PRKN: variants seen among roughly 807,000 people sequenced by gnomAD.
The protein encoded by PRKN is E3 ubiquitin-protein ligase parkin.
In PRKN, 56 loss-of-function variants were observed where a neutral mutation model predicts 59.5. That is an observed-to-expected ratio of 0.94 (90% confidence interval 0.76 to 1.18). The LOEUF is 1.18. PRKN is among the 50% of genes most tolerant of loss of function. The probability of loss-of-function intolerance (pLI) is 0.00; values close to 1 mark genes in which losing one functional copy is unlikely to be tolerated. For synonymous variants in PRKN, 250 were observed against 222.1 expected, an observed-to-expected ratio of 1.13 and a Z score of -1.12; for missense variants, 657 against 596.4, an observed-to-expected ratio of 1.10 and a Z score of -1.06.
intron 1 of PRKN, among the ~76,000 whole-genome samples, chr6:162,621,100 C>T (rs1157008236): frequency 3.3e-4 from 7 of 21,146 alleles, no homozygotes; most frequent in African/African-American, 1.8e-3. Context: ...GATATCTCCA[C>T]ATATCCAGCT....
intron 3 of PRKN, among the ~76,000 whole-genome samples, chr6:162,229,705 C>T (rs1778339396): frequency 6.6e-6 from 1 of 152,162 alleles, no homozygotes; most frequent in Admixed American, 6.5e-5. Context: ...TCTTCCTTTC[C>T]ACTGTTCCTC....
At chr6:162,556,745 C>CAAAAA (rs58924466) in intron 1 of PRKN, among the ~76,000 whole-genome samples, 5 of 91,056 alleles carry the variant, frequency 5.5e-5, no homozygotes, top group African/African-American at 8.5e-5. Flanking sequence ...GACTCCATCT[C>CAAAAA]AAAAAAAAAA....
In PRKN at chr6:162,116,743, A is replaced by T. The variant is rs559042817; in HGVS notation, c.535-62569T>A. Reference sequence around the variant, plus strand: ...ATATAGAACAGCAATACACTGAAATAAGTGAAATTGCAGAGATATGCACAG... The same window carrying T: ...ATATAGAACAGCAATACACTGAAATTAGTGAAATTGCAGAGATATGCACAG... On this transcript the variant is annotated intron_variant, in intron 4 of 11. Coordinates refer to ENST00000366898, the MANE Select transcript of PRKN (RefSeq NM_004562.3). Among the ~76,000 whole-genome samples the T allele has an allele frequency of 2.0e-5, 3 of 152,326 alleles. No individual in the cohort carries two copies. The South Asian group carries it at 6.2e-4, about 32-fold the overall frequency.
chr6:162,641,993 A>G (rs1231760926), intron 1 of PRKN, among the ~76,000 whole-genome samples: 1 of 152,218 alleles, frequency 6.6e-6, no homozygotes, highest in Non-Finnish European at 1.5e-5. Flanking sequence ...ATATGCTGGA[A>G]TACACTAATA....
intron 1 of PRKN, among the ~76,000 whole-genome samples, chr6:162,640,879 G>C (rs767434458): frequency 1.3e-5 from 2 of 152,136 alleles, no homozygotes; most frequent in Non-Finnish European, 2.9e-5. Flanking sequence ...AAAGTCACCA[G>C]GCAAACATCA....
At chr6:162,597,889 C>G (rs546843929) in intron 1 of PRKN, among the ~76,000 whole-genome samples, 17 of 152,080 alleles carry the variant, frequency 1.1e-4, no homozygotes, top group Non-Finnish European at 1.6e-4. Flanking sequence ...TAGATAATGA[C>G]TAGTATTATT....
intron 7 of PRKN, among the ~76,000 whole-genome samples, chr6:161,616,686 T>C (rs2128148923): frequency 6.6e-6 from 1 of 152,182 alleles, no homozygotes; most frequent in East Asian, 1.9e-4. Flanking sequence ...CCTGTGTCAG[T>C]TTGCTGAGAG....
chr6:161,457,068 A>G lies in PRKN; in HGVS notation c.1084-70191T>C, dbSNP rs537641103. Among the ~76,000 whole-genome samples the G allele has an allele frequency of 6.6e-6, 1 of 152,272 alleles. No individual in the cohort carries two copies. The highest frequency in any genetic ancestry group is 6.5e-5 in the Admixed American group (1 of 15,296). On this transcript the variant is annotated intron_variant, in intron 9 of 11. Transcript: ENST00000366898. The surrounding 1 kb of genome is among the most constrained non-coding windows in gnomAD (Gnocchi z 5.0). Reference sequence around the variant, plus strand: ...CTGAATAGTCCAACTTCCTCCTTTAACAAATATCCACTGAGCGTCTTCGCT... The same window carrying G: ...CTGAATAGTCCAACTTCCTCCTTTAGCAAATATCCACTGAGCGTCTTCGCT...
chr6:161,572,366 TAA>T (rs1780922744), intron 7 of PRKN, among the ~76,000 whole-genome samples: 1 of 151,068 alleles, frequency 6.6e-6, no homozygotes, highest in Admixed American at 6.6e-5. Context: ...ACCAAGAAAA[TAA>T]ATAAAAATCC....
chr6:162,364,280 A>G (rs1396729451), intron 2 of PRKN, among the ~76,000 whole-genome samples: 3 of 152,226 alleles, frequency 2.0e-5, no homozygotes, highest in Non-Finnish European at 4.4e-5. Context: ...TAATACCCAA[A>G]TAATTATCTG....
In PRKN at chr6:161,378,645, A is replaced by T. The variant is rs1288428193; in HGVS notation, c.1167+8149T>A. 2.0e-5 allele frequency among the ~76,000 whole-genome samples: 3 copies of T among 152,150 alleles called. No individual in the cohort carries two copies. Among genetic ancestry groups the T allele is most frequent in the Non-Finnish European group, 2.9e-5 (2 of 68,022 alleles). ...CTGCATTGTGTCCCAGTGGGTGCATACCCATGGGAACACTGGTCCTGTCAC... is the reference window on the plus strand; with the variant it reads ...CTGCATTGTGTCCCAGTGGGTGCATTCCCATGGGAACACTGGTCCTGTCAC... On this transcript the variant is annotated intron_variant, in intron 10 of 11. Transcript: ENST00000366898. This position sits in a 1 kb window ranked among gnomAD's most constrained non-coding sequence, Gnocchi z 7.3.
chr6:161,983,911 A>T (rs138722353), intron 5 of PRKN, among the ~76,000 whole-genome samples: 3,988 of 126,194 alleles, frequency 0.032, 344 homozygotes, highest in African/African-American at 0.044. Context: ...TATAATAAAA[A>T]AAAAAAAAAT....
Position 162,311,564 on chromosome 6 carries a change from C to T in PRKN, c.172-48799G>A, listed in dbSNP as rs145387115. Among the ~76,000 whole-genome samples, 131 of 148,760 alleles carry T rather than the reference C, an allele frequency of 8.8e-4. 1 individual carries two copies. The highest frequency in any genetic ancestry group is 3.2e-3 in the African/African-American group (127 of 40,210). ...GTGGCACAATCTTGGCTCACTGCAA[C>T]CTCCACCTCCTGGGTTCAAGCGATT... On this transcript the variant is annotated intron_variant, in intron 2 of 11. Coordinates refer to ENST00000366898, the MANE Select transcript of PRKN (RefSeq NM_004562.3).
At chr6:161,965,501 T>C (rs1053463800) in intron 6 of PRKN, among the ~76,000 whole-genome samples, 4 of 152,048 alleles carry the variant, frequency 2.6e-5, no homozygotes, top group Non-Finnish European at 5.9e-5. Context: ...ATTCACTAGC[T>C]GCCTTCTATC....
chr6:162,503,361 G>C (rs923190720), intron 1 of PRKN, among the ~76,000 whole-genome samples: 2 of 151,608 alleles, frequency 1.3e-5, no homozygotes, highest in African/African-American at 2.4e-5. Flanking sequence ...ACGGGGTTTC[G>C]CCATGTTGGG....
In PRKN at chr6:162,510,681, G is replaced by C. The variant is rs1034815192; in HGVS notation, c.8-67208C>G. On this transcript the variant is annotated intron_variant, in intron 1 of 11. Coordinates refer to ENST00000366898, the MANE Select transcript of PRKN (RefSeq NM_004562.3). The stretch of plus-strand genomic sequence containing the variant: ...CTCACACCTGTAATCCCAGCACTTT[G>C]GGAGGCCGGGCGAGCAGATCACTTG... Among the ~76,000 whole-genome samples, 6 of 152,274 alleles carry C rather than the reference G, an allele frequency of 3.9e-5. No homozygotes were observed. In the South Asian group the frequency reaches 1.2e-3, roughly 32 times the overall value.
intron 1 of PRKN, among the ~76,000 whole-genome samples, chr6:162,460,554 G>C (rs567219793): frequency 1.2e-4 from 18 of 152,076 alleles, no homozygotes; most frequent in African/African-American, 1.9e-4. Context: ...TATCTCCTCC[G>C]CTGTCCCTCC....
chr6:162,260,381 A>C (rs1779838761), intron 3 of PRKN, among the ~76,000 whole-genome samples: 1 of 152,216 alleles, frequency 6.6e-6, no homozygotes, highest in African/African-American at 2.4e-5. Flanking sequence ...ACTAGAATTT[A>C]TTCTCTATTG....
intron 6 of PRKN, among the ~76,000 whole-genome samples, chr6:161,864,112 T>G (rs1794016053): frequency 6.6e-6 from 1 of 152,186 alleles, no homozygotes; most frequent in Admixed American, 6.5e-5. Context: ...GAAGACAAAG[T>G]TGGCCCCATC....
Sources: allele counts gnomAD v4.1 joint callset (sites outside exome capture counted in the v4.1 genomes callset), GRCh38; gene constraint gnomAD v4.1.1; non-coding constraint Gnocchi (gnomAD v3.1); transcripts MANE v1.5; gene names NCBI Gene and HGNC (gene_info 2026-07-23, HGNC 2026-07-21).